ABCA8: variants seen among roughly 807,000 people sequenced by gnomAD.
ABCA8 encodes the protein ATP binding cassette subfamily A member 8, also known as ABC-type organic anion transporter ABCA8.
Under a neutral mutation model 192.3 loss-of-function variants are expected in ABCA8, and 177 were observed. That is an observed-to-expected ratio of 0.92 (90% confidence interval 0.81 to 1.04). The LOEUF (loss-of-function observed/expected upper bound fraction) is 1.04, where lower values mean the gene tolerates loss of function less well. ABCA8 is among the 50% of genes least tolerant of loss of function. The pLI is 0.00. For synonymous variants in ABCA8, 642 were observed against 690.2 expected (o/e 0.93, Z 1.09); for missense variants, 1,915 against 1,904.8 (o/e 1.01, Z -0.10).
At chr17:68,871,013 T>G (rs2120193) in intron 37 of ABCA8, among the ~76,000 whole-genome samples, 23 of 152,274 alleles carry the variant, frequency 1.5e-4, no homozygotes, top group East Asian at 7.7e-4. Context: ...GTTATTTTTT[T>G]GGGGGGAATA....
At chr17:68,881,690 T>A (rs1305527302) in intron 31 of ABCA8, among the ~76,000 whole-genome samples, 173 bp downstream of exon 31, 1 of 152,236 alleles carries the variant, frequency 6.6e-6, no homozygotes, top group Non-Finnish European at 1.5e-5. Context: ...GGCTCCTCTT[T>A]GTGAGGTGAG....
At chr17:68,891,809 T>C (rs769352719) in intron 23 of ABCA8, among the ~76,000 whole-genome samples, 14 of 152,234 alleles carry the variant, frequency 9.2e-5, no homozygotes, top group Non-Finnish European at 1.8e-4. Context: ...ATGAATGCAC[T>C]GATAACATTT....
intron 8 of ABCA8, 91 bp downstream of exon 8, chr17:68,929,470 G>GA: frequency 5.6e-5 from 78 of 1,384,062 alleles, no homozygotes; most frequent in South Asian, 1.2e-4. Flanking sequence ...AGAGTAGGTA[G>GA]AAAAAAAAGG....
At chr17:68,931,761 C>CTTTTTTTTTTTTTTTTTTTTTT in intron 7 of ABCA8, 1 of 96,194 alleles carries the variant, frequency 1.0e-5, no homozygotes, top group Non-Finnish European at 2.0e-5. Context: ...AATACATTTC[C>CTTTTTTTTTTTTTTTTTTTTTT]TTTTTTTTTT....
chr17:68,938,166 G>C (rs1343910484), intron 4 of ABCA8, among the ~76,000 whole-genome samples: 1 of 152,122 alleles, frequency 6.6e-6, no homozygotes, highest in Non-Finnish European at 1.5e-5. Context: ...TTCAGTGTTG[G>C]TAGGTAAGAT....
At chr17:68,903,752 C>A (rs907402659) in intron 19 of ABCA8, among the ~76,000 whole-genome samples, 1 of 152,056 alleles carries the variant, frequency 6.6e-6, no homozygotes, top group Admixed American at 6.6e-5. Context: ...AAGGTCATCA[C>A]AGTGGTTAGA....
At chr17:68,932,220 A>T in intron 7 of ABCA8, 68 bp downstream of exon 7, 2 of 1,204,148 alleles carry the variant, frequency 1.7e-6, no homozygotes, top group Non-Finnish European at 2.3e-6. Context: ...AAAAAAAAAA[A>T]GATGCATTGA....
chr17:68,874,273 A>G (rs975519595), intron 37 of ABCA8, among the ~76,000 whole-genome samples: 1 of 152,162 alleles, frequency 6.6e-6, no homozygotes, highest in African/African-American at 2.4e-5. Context: ...ATCTAGATAT[A>G]TTTCCCACAA....
Position 68,940,875 on chromosome 17 carries a change from T to C in ABCA8, c.184A>G (p.Met62Val). The stretch of plus-strand genomic sequence containing the variant: ...AATGTATCTACCCGTCCCAGGTCCA[T>C]GGTAAGCAGTGAAGAAAAATCATTT... ...QVNDFSSLLT[M>V]DLGRVDTFNE... The change falls in exon 4 of 40, where the codon ATG becomes GTG. Residue 62 changes from methionine to valine, a missense_variant. Transcript: ENST00000586539. 6.2e-7 allele frequency: 1 copy of C among 1,613,244 alleles called. No individual in the cohort carries two copies. Among genetic ancestry groups the C allele is most frequent in the South Asian group, 1.1e-5 (1 of 91,050 alleles).
At chr17:68,943,990 T>G (rs1279073826) in intron 2 of ABCA8, among the ~76,000 whole-genome samples, 2 of 151,948 alleles carry the variant, frequency 1.3e-5, no homozygotes, top group African/African-American at 2.4e-5. Context: ...AAGAATGAGA[T>G]CGTGTCCTTT....
Position 68,905,164 on chromosome 17 carries a change from G to A in ABCA8, c.2398+880C>T, listed in dbSNP as rs556484106. On this transcript the variant is annotated intron_variant, in intron 19 of 39. Transcript: ENST00000586539. ...ACATCAGTAGTCTGACAGAGGAAGA[G>A]TCATGCCATTTTCTGGCCATTGTTT... is the stretch of plus-strand genomic sequence containing the variant. 2.6e-5 allele frequency among the ~76,000 whole-genome samples: 4 copies of A among 152,314 alleles called. No individual in the cohort carries two copies. In the South Asian group the frequency reaches 8.3e-4, roughly 32 times the overall value.
At position 68,869,738 on chromosome 17, in the gene ABCA8, A is replaced by G. The variant is rs758892013; in HGVS notation, c.4673T>C (p.Val1558Ala). 3.7e-6 allele frequency: 6 copies of G among 1,613,318 alleles called. No homozygotes were observed. The African/African-American group carries it at 5.3e-5, about 14-fold the overall frequency. Residue 1558 changes from valine to alanine, a missense_variant, in exon 38 of 40, where the codon GTG (valine) becomes GCG (alanine). Coordinates refer to ENST00000586539, the MANE Select transcript of ABCA8 (RefSeq NM_001288985.2). ...GAAGAAAGCTTGGGCTAAAGGTTGC[A>G]CATCTTCCACTGGCAACTTATAAAC... ...LMVYKLPVED[V>A]QPLAQAFFKL... is the part of the protein sequence containing the mutation.
intron 21 of ABCA8, among the ~76,000 whole-genome samples, chr17:68,901,642 C>T (rs1476024335): frequency 6.6e-6 from 1 of 151,908 alleles, no homozygotes; most frequent in Non-Finnish European, 1.5e-5. Context: ...CCCGTCTCTA[C>T]CAAAAATACA....
chr17:68,953,138 C>G (rs568465756), intron 1 of ABCA8, among the ~76,000 whole-genome samples: 31 of 152,230 alleles, frequency 2.0e-4, no homozygotes, highest in African/African-American at 6.7e-4. Context: ...GCTACCTAAG[C>G]TGAATTATAG....
rs200174538 is a variant in ABCA8, at chr17:68,885,147, A to G, written c.3549+49T>C. 1.9e-6 allele frequency: 3 copies of G among 1,565,562 alleles called. No homozygotes were observed. In the South Asian group the frequency reaches 3.7e-5, roughly 19 times the overall value. ...CCTTCAACATTGGGCAAAGCTTCACAATTGGTCATGAGTTTCAAGGGACTG... is the reference window on the plus strand; with the variant it reads ...CCTTCAACATTGGGCAAAGCTTCACGATTGGTCATGAGTTTCAAGGGACTG... On this transcript the variant is annotated intron_variant, in intron 27 of 39. Transcript: ENST00000586539.
intron 2 of ABCA8, among the ~76,000 whole-genome samples, chr17:68,942,921 C>T (rs1173021471): frequency 6.6e-6 from 1 of 152,128 alleles, no homozygotes; most frequent in Non-Finnish European, 1.5e-5. Flanking sequence ...ACATACACCA[C>T]TCTTAATTTC....
intron 32 of ABCA8, chr17:68,878,841 G>A (rs572663078): frequency 2.4e-4 from 36 of 152,268 alleles, no homozygotes; most frequent in African/African-American, 8.2e-4. Context: ...TGTGAATATC[G>A]GTTTTCTCTT....
At chr17:68,877,471 C>T (rs751864946) in intron 33 of ABCA8, 48 bp downstream of exon 33, 4 of 1,525,698 alleles carry the variant, frequency 2.6e-6, no homozygotes, top group East Asian at 4.7e-5. Context: ...CTCTCAACCT[C>T]CTCCACCCCT....
intron 37 of ABCA8, among the ~76,000 whole-genome samples, chr17:68,872,375 GA>G (rs2066081522): frequency 7.0e-6 from 1 of 143,794 alleles, no homozygotes; most frequent in Admixed American, 7.4e-5. Flanking sequence ...GGTGGGAATT[GA>G]ACGAGATCAC....
Sources: gnomAD v4.1 joint callset for allele counts (sites outside exome capture counted in the v4.1 genomes callset) on GRCh38, gnomAD v4.1.1 for gene constraint, MANE v1.5 for transcripts, NCBI Gene and HGNC (gene_info 2026-07-23, HGNC 2026-07-21) for gene names.